Variants in CDH8 observed in about 807,000 individuals in gnomAD.
CDH8 encodes the protein cadherin 8.
Under a neutral mutation model 68.1 loss-of-function variants are expected in CDH8, and 17 were observed. The observed-to-expected ratio is 0.25, with a 90% confidence interval of 0.17 to 0.37. The LOEUF (loss-of-function observed/expected upper bound fraction) is 0.37, where lower values mean the gene tolerates loss of function less well. CDH8 is among the 10% of genes least tolerant of loss of function. CDH8 has a pLI of 1.00. For missense variants in CDH8, 763 were observed against 999.3 expected, an observed-to-expected ratio of 0.76 and a Z score of 3.19; for synonymous variants, 372 against 365.1, an observed-to-expected ratio of 1.02 and a Z score of -0.21.
intron 5 of CDH8, among the ~76,000 whole-genome samples, chr16:61,823,188 C>A (rs1170083950): frequency 2.0e-4 from 30 of 151,930 alleles, no homozygotes; most frequent in Non-Finnish European, 4.4e-4. Context: ...AATGCATCTC[C>A]TCTATCCTTT....
At chr16:61,876,009 G>A (rs1963451560) in intron 3 of CDH8, among the ~76,000 whole-genome samples, 1 of 151,906 alleles carries the variant, frequency 6.6e-6, no homozygotes, top group Non-Finnish European at 1.5e-5. Context: ...CCTGAGCAGT[G>A]GAGACTACAG....
chr16:61,777,976 T>G (rs1274798342), intron 8 of CDH8, among the ~76,000 whole-genome samples: 1 of 152,082 alleles, frequency 6.6e-6, no homozygotes, highest in African/African-American at 2.4e-5. Context: ...ATCTCCAGCT[T>G]TGAGAACCTG....
intron 3 of CDH8, among the ~76,000 whole-genome samples, chr16:61,863,091 AC>A (rs1963182746): frequency 6.6e-6 from 1 of 152,206 alleles, no homozygotes; most frequent in Admixed American, 6.5e-5. Flanking sequence ...GATCCCTGTC[AC>A]CACAATTCAG....
chr16:61,683,457 A>G (rs16963815), intron 10 of CDH8, among the ~76,000 whole-genome samples: 23,953 of 151,878 alleles, frequency 0.16, 2,049 homozygotes, highest in African/African-American at 0.21. Context: ...ACAGTGCCAT[A>G]CTTGTAGAAG....
intron 2 of CDH8, among the ~76,000 whole-genome samples, chr16:61,917,062 AGTGTGTGTGTGTGTGT>A (rs57232370): frequency 7.9e-4 from 109 of 137,390 alleles, no homozygotes; most frequent in Non-Finnish European, 1.3e-3. Flanking sequence ...TTTACCTATT[AGTGTGTGTGTGTGTGT>A]GTGTGTGTGT....
intron 2 of CDH8, among the ~76,000 whole-genome samples, chr16:61,991,223 T>C (rs575112308): frequency 6.6e-6 from 1 of 152,094 alleles, no homozygotes; most frequent in East Asian, 1.9e-4. Flanking sequence ...TCATTTTGGG[T>C]AAGCAGGGGC....
At chr16:61,659,809 G>T (rs1197915965) in intron 10 of CDH8, among the ~76,000 whole-genome samples, 3 of 152,178 alleles carry the variant, frequency 2.0e-5, no homozygotes, top group Non-Finnish European at 4.4e-5. Context: ...TGGAAAGAGA[G>T]AGCCTCTGGA....
At chr16:61,769,128 C>T (rs1448686414) in intron 8 of CDH8, among the ~76,000 whole-genome samples, 2 of 151,740 alleles carry the variant, frequency 1.3e-5, no homozygotes, top group Non-Finnish European at 2.9e-5. Flanking sequence ...GAAAAGTATA[C>T]TTTCAACTGT....
intron 2 of CDH8, among the ~76,000 whole-genome samples, chr16:61,951,974 A>T (rs960761106): frequency 6.6e-6 from 1 of 152,202 alleles, no homozygotes; most frequent in Non-Finnish European, 1.5e-5. Flanking sequence ...GAAAACTTTG[A>T]TGTGGAGAGA....
intron 10 of CDH8, among the ~76,000 whole-genome samples, chr16:61,686,334 C>T (rs1390808977): frequency 6.6e-6 from 1 of 152,010 alleles, no homozygotes; most frequent in African/African-American, 2.4e-5. Flanking sequence ...CTACGCTATA[C>T]AGGGCACTGT....
intron 10 of CDH8, among the ~76,000 whole-genome samples, chr16:61,707,526 T>C (rs930310169): frequency 2.0e-5 from 3 of 152,186 alleles, no homozygotes; most frequent in East Asian, 3.9e-4. Flanking sequence ...TGTTTATCTA[T>C]GCAGAGTGCC....
chr16:61,982,320 C>T (rs985285597), intron 2 of CDH8, among the ~76,000 whole-genome samples: 2 of 152,016 alleles, frequency 1.3e-5, no homozygotes, highest in Admixed American at 1.3e-4. Flanking sequence ...CCCGGGTTCA[C>T]GCCATTCTCC....
At chr16:61,718,210 G>C (rs1029620280) in intron 9 of CDH8, among the ~76,000 whole-genome samples, 1 of 151,316 alleles carries the variant, frequency 6.6e-6, no homozygotes, top group Non-Finnish European at 1.5e-5. Context: ...ATCCATCCTT[G>C]CTTGCTTTGC....
At chr16:61,747,919 C>CA (rs1004042232) in intron 8 of CDH8, among the ~76,000 whole-genome samples, 2 of 152,024 alleles carry the variant, frequency 1.3e-5, no homozygotes, top group African/African-American at 4.8e-5. Flanking sequence ...GCTTTGAACA[C>CA]AGTTATTTGG....
chr16:61,660,343 A>G (rs1963531376), intron 10 of CDH8, among the ~76,000 whole-genome samples: 1 of 151,386 alleles, frequency 6.6e-6, no homozygotes, highest in Non-Finnish European at 1.5e-5. Context: ...GTGACTAAAC[A>G]GTAGACTTGA....
intron 2 of CDH8, among the ~76,000 whole-genome samples, chr16:61,977,845 G>T (rs1252832204): frequency 6.6e-6 from 1 of 152,024 alleles, no homozygotes; most frequent in South Asian, 2.1e-4. Context: ...TCACAACCAC[G>T]AAACACAGCT....
chr16:61,744,865 C>T (rs895792936), intron 8 of CDH8, among the ~76,000 whole-genome samples: 1 of 151,258 alleles, frequency 6.6e-6, no homozygotes, highest in Admixed American at 6.6e-5. Context: ...CCATTTCCAT[C>T]ATTTTTGTTA....
intron 3 of CDH8, among the ~76,000 whole-genome samples, chr16:61,897,770 G>A (rs16942581): frequency 0.3 from 46,331 of 151,950 alleles, 7,428 homozygotes; most frequent in African/African-American, 0.4. Flanking sequence ...ATGAATTAGA[G>A]AGTTCTCTGG....
At chr16:61,703,359 C>T (rs918371307) in intron 10 of CDH8, among the ~76,000 whole-genome samples, 1 of 152,064 alleles carries the variant, frequency 6.6e-6, no homozygotes, top group Admixed American at 6.6e-5. Flanking sequence ...CCATTTTCTT[C>T]CTTTGAGAAA....
Sources: allele counts gnomAD v4.1 joint callset (sites outside exome capture counted in the v4.1 genomes callset), GRCh38; gene constraint gnomAD v4.1.1; transcripts MANE v1.5; gene names NCBI Gene and HGNC (gene_info 2026-07-23, HGNC 2026-07-21).